The following ZBTB17 variants were observed in gnomAD, a reference collection of about 807,000 sequenced individuals.
ZBTB17 encodes zinc finger and BTB domain containing 17, also known as zinc finger and BTB domain-containing protein 17.
In ZBTB17, 24 loss-of-function variants were observed where a neutral mutation model predicts 85.1. That is an observed-to-expected ratio of 0.28 (90% CI 0.20 to 0.40). The LOEUF is 0.40. Among genes scored for constraint, ZBTB17 ranks in the 10% least tolerant of loss-of-function variants. The pLI is 1.00. For synonymous variants in ZBTB17, 464 were observed against 460.2 expected, an observed-to-expected ratio of 1.01 and a Z score of -0.11; for missense variants, 743 against 1,105.1, an observed-to-expected ratio of 0.67 and a Z score of 4.65.
At position 15,964,838 on chromosome 1, in the gene ZBTB17, G is replaced by T. The variant is rs1200516617; in HGVS notation, c.-3+8201C>A. ...GTGGTATTTAAACAGAGAACAGGCC[G>T]GGCACGGTGGCTCACGCCTATAATC... On this transcript the variant is annotated intron_variant, in intron 2 of 15. Coordinates refer to ENST00000375743, the MANE Select transcript of ZBTB17 (RefSeq NM_003443.3). This position sits in a 1 kb window ranked among gnomAD's most constrained non-coding sequence, Gnocchi z 4.3. 1.3e-5 allele frequency among the ~76,000 whole-genome samples: 2 copies of T among 151,840 alleles called. No individual in the cohort carries two copies. The highest frequency in any genetic ancestry group is 4.2e-4 in the South Asian group (2 of 4,800).
rs1315238148 is a variant in ZBTB17 at position 15,951,430 on chromosome 1, C to T, written c.-2-2933G>A. ...GCCTCCCAGGGGTGCAAGAGCAGCT[C>T]GAGGGGGCCAGGAGGGGGCGGACTA... On this transcript the variant is annotated intron_variant, in intron 2 of 15. Transcript: ENST00000375743. This position sits in a 1 kb window ranked among gnomAD's most constrained non-coding sequence, Gnocchi z 4.1. 2.6e-5 allele frequency among the ~76,000 whole-genome samples: 4 copies of T among 152,088 alleles called. No individual in the cohort carries two copies. Among genetic ancestry groups the T allele is most frequent in the African/African-American group, 4.8e-5 (2 of 41,416 alleles).
rs139583083 is a variant in ZBTB17 at position 15,944,408 on chromosome 1, G to A, written c.1263C>T (p.Asp421=). ...GGTCGGAGAAGGAGCGGCCGCAGTA[G>A]TCGCACTGGTAGGGCTTCTCGCCGC... ...VHSGEKPYQC[D]YCGRSFSDPT... The change falls in exon 9 of 16, where the codon GAC becomes GAT. Residue 421 remains aspartate, a synonymous_variant. Coordinates refer to ENST00000375743, the MANE Select transcript of ZBTB17 (RefSeq NM_003443.3). 8.3e-6 allele frequency: 13 copies of A among 1,565,212 alleles called. No individual in the cohort carries two copies. The highest frequency in any genetic ancestry group is 2.4e-5 in the East Asian group (1 of 41,778).
intron 2 of ZBTB17, among the ~76,000 whole-genome samples, chr1:15,970,822 C>T (rs980477080): frequency 6.6e-6 from 1 of 152,222 alleles, no homozygotes; most frequent in African/African-American, 2.4e-5. Flanking sequence ...GCTGGGATTA[C>T]AGGCGTAAGC....
chr1:15,950,836 G>A (rs538533162), intron 2 of ZBTB17, among the ~76,000 whole-genome samples: 1 of 152,220 alleles, frequency 6.6e-6, no homozygotes, highest in Admixed American at 6.5e-5. Flanking sequence ...CCCCTTGTGT[G>A]GGCCCAAGGC....
intron 6 of ZBTB17, among the ~76,000 whole-genome samples, chr1:15,945,422 G>T (rs933638423): frequency 3.3e-5 from 5 of 152,238 alleles, no homozygotes; most frequent in Admixed American, 2.0e-4. Context: ...CTGGAGGGTT[G>T]CCGTGGGTGG....
rs764224431 is a variant in ZBTB17 at position 15,942,052 on chromosome 1, G to A, written c.2329C>T (p.Arg777Cys). 2.7e-5 allele frequency: 44 copies of A among 1,612,326 alleles called. No homozygotes were observed. Among genetic ancestry groups the A allele is most frequent in the Non-Finnish European group, 3.3e-5 (39 of 1,180,006 alleles). ...QVLQAGELVF[R>C]PRDGAEGQPA... ...TGGCCCTCAGCCCCGTCGCGAGGGC[G>A]GAAGACCAGCTCCCCAGCCTGCAGC... The change falls in exon 16 of 16, where the codon CGC becomes TGC. Residue 777 changes from arginine to cysteine, a missense_variant. Around this residue, in one of 4 missense-constraint regions of ZBTB17, gnomAD observed 69 missense variants for 77.0 expected, o/e 0.90. Coordinates refer to ENST00000375743, the MANE Select transcript of ZBTB17 (RefSeq NM_003443.3).
Position 15,947,232 on chromosome 1 carries a change from T to G in ZBTB17, c.206-109A>C. ...ACGCAGGGATTTAGGAACAGCTGAG[T>G]GGCAAGCCTGCATCGCCCCATCTCC... On this transcript the variant is annotated intron_variant, in intron 3 of 15. Transcript: ENST00000375743. 4.3e-6 allele frequency: 5 copies of G among 1,167,514 alleles called. No individual in the cohort carries two copies. In the Middle Eastern group the frequency reaches 1.3e-3, roughly 312 times the overall value. The allele number at this position is 1,167,514 out of a possible 1,614,324, so 72.3% of individuals were successfully genotyped here.
intron 2 of ZBTB17, among the ~76,000 whole-genome samples, chr1:15,971,336 TATATATATATGTACATACACACACA>T (rs932891784): frequency 3.7e-5 from 4 of 107,566 alleles, no homozygotes; most frequent in Non-Finnish European, 6.1e-5. Flanking sequence ...TGTGTATGTA[TATATATATATGTACATACACACACA>T]ATATATATAT....
At chr1:15,962,833 C>A (rs933375409) in intron 2 of ZBTB17, among the ~76,000 whole-genome samples, 1 of 152,076 alleles carries the variant, frequency 6.6e-6, no homozygotes, top group East Asian at 1.9e-4. Context: ...CCCAGCTACT[C>A]GAAAGGCTGA....
In ZBTB17 at chr1:15,975,007, C is replaced by T. The variant is rs561144715; in HGVS notation, c.-90+976G>A. ...CCGCTGAGCTTCCCTTAGATCTTAG[C>T]TTTCTGGGGGACAGAAGCCTCCCGG... On this transcript the variant is annotated intron_variant, in intron 1 of 15. Coordinates refer to ENST00000375743, the MANE Select transcript of ZBTB17 (RefSeq NM_003443.3). 2.1e-3 allele frequency among the ~76,000 whole-genome samples: 319 copies of T among 152,224 alleles called. 1 individual carries two copies. Among genetic ancestry groups the T allele is most frequent in the Non-Finnish European group, 2.6e-3 (178 of 68,024 alleles).
At chr1:15,949,141 C>T (rs2071732506) in intron 2 of ZBTB17, among the ~76,000 whole-genome samples, 1 of 152,130 alleles carries the variant, frequency 6.6e-6, no homozygotes, top group Non-Finnish European at 1.5e-5. Flanking sequence ...AAACCTGTGT[C>T]CTGGTGGCCA....
At chr1:15,943,247 T>G in intron 12 of ZBTB17, 53 bp from the exon 13 acceptor site, 1 of 1,613,286 alleles carries the variant, frequency 6.2e-7, no homozygotes, top group Non-Finnish European at 8.5e-7. Flanking sequence ...CTGGGCCTCC[T>G]GCCTCACCCT....
At chr1:15,956,366 G>C (rs917748069) in intron 2 of ZBTB17, among the ~76,000 whole-genome samples, 2 of 152,180 alleles carry the variant, frequency 1.3e-5, no homozygotes, top group African/African-American at 4.8e-5. Context: ...GATCAAGTAG[G>C]GAACAGGCCT....
At chr1:15,955,982 G>A (rs2072031874) in intron 2 of ZBTB17, among the ~76,000 whole-genome samples, 1 of 152,202 alleles carries the variant, frequency 6.6e-6, no homozygotes, top group South Asian at 2.1e-4. Flanking sequence ...GGGAAGGCTG[G>A]CAGGCCCTGA....
At chr1:15,971,377 CACACTATATATATAT>C (rs2072648401) in intron 2 of ZBTB17, among the ~76,000 whole-genome samples, 1 of 103,792 alleles carries the variant, frequency 9.6e-6, no homozygotes, top group Non-Finnish European at 2.0e-5. Flanking sequence ...TATATATACA[CACACTATATATATAT>C]ACACACTATA....
At chr1:15,946,126 C>T (rs372695251) in intron 5 of ZBTB17, 28 bp downstream of exon 5, 13 of 1,602,084 alleles carry the variant, frequency 8.1e-6, no homozygotes, top group Middle Eastern at 1.6e-4. Context: ...GACAGGACAG[C>T]CGGCTGGGTC....
intron 2 of ZBTB17, among the ~76,000 whole-genome samples, chr1:15,956,450 A>G (rs1165271039): frequency 6.6e-6 from 1 of 152,234 alleles, no homozygotes; most frequent in African/African-American, 2.4e-5. Context: ...ACCCTTATGA[A>G]ATGACAGTTG....
At chr1:15,969,664 C>A in intron 2 of ZBTB17, 1 of 458,968 alleles carries the variant, frequency 2.2e-6, no homozygotes, top group East Asian at 6.7e-5. Context: ...ATGTCTCTTT[C>A]TGACTGCCAA....
intron 2 of ZBTB17, among the ~76,000 whole-genome samples, chr1:15,956,094 G>A (rs980861829): frequency 6.6e-6 from 1 of 152,198 alleles, no homozygotes; most frequent in Non-Finnish European, 1.5e-5. Context: ...GTAAATTAAG[G>A]GGCCTTCCTG....
Sources: allele counts gnomAD v4.1 joint callset (sites outside exome capture counted in the v4.1 genomes callset), GRCh38; gene constraint gnomAD v4.1.1; regional missense constraint gnomAD v4.1.1; non-coding constraint Gnocchi (gnomAD v3.1); transcripts MANE v1.5; gene names NCBI Gene and HGNC (gene_info 2026-07-23, HGNC 2026-07-21).